BICD2: variants seen among roughly 807,000 people sequenced by gnomAD.
The protein encoded by BICD2 is BICD cargo adaptor 2.
In BICD2, 25 loss-of-function variants were observed where a neutral mutation model predicts 72.9. The observed-to-expected ratio is 0.34, with a 90% CI of 0.25 to 0.48. The LOEUF (loss-of-function observed/expected upper bound fraction) is 0.48, where lower values mean the gene tolerates loss of function less well. Among genes scored for constraint, BICD2 ranks in the 20% least tolerant of loss-of-function variants. The probability of loss-of-function intolerance (pLI) is 0.99; values close to 1 mark genes in which losing one functional copy is unlikely to be tolerated. For synonymous variants in BICD2, 501 were observed against 516.1 expected (o/e 0.97, Z 0.40); for missense variants, 894 against 1,175.2 (o/e 0.76, Z 3.50).
chr9:92,748,183 C>T (rs544120501), intron 1 of BICD2, among the ~76,000 whole-genome samples: 702 of 152,252 alleles, frequency 4.6e-3, no homozygotes, highest in Non-Finnish European at 7.8e-3. Context: ...GAATGGCTCC[C>T]AGGCTTGCCC....
At position 92,713,266 on chromosome 9, in the gene BICD2, A is replaced by G. The variant is rs1853228412; in HGVS notation, c.*1888T>C. On this transcript the variant is annotated 3_prime_UTR_variant, in exon 7 of 7. Transcript: ENST00000356884. ...CGCAGCAGCTCGCAGCATGCTCAAC[A>G]TTAAAGCTTTTTTTCCTCCCATTAA... 1 of 672,158 alleles carries G rather than the reference A, an allele frequency of 1.5e-6. No homozygotes were observed. Among genetic ancestry groups the G allele is most frequent in the Middle Eastern group, 4.1e-4 (1 of 2,418 alleles). 41.6% of individuals were successfully genotyped at this position (672,158 alleles called of 1,614,324 possible).
chr9:92,739,902 T>C (rs961926256), intron 1 of BICD2, among the ~76,000 whole-genome samples: 2 of 152,202 alleles, frequency 1.3e-5, no homozygotes, highest in Admixed American at 1.3e-4. Flanking sequence ...GGTCCTGCCC[T>C]GCATAGCCAG....
rs775974479 is a variant in BICD2, at chr9:92,720,580, A to C, written c.782T>G (p.Leu261Arg). ...REQKNSLRKE[L>R]SHYMSINDSF... ...GTCATTGATGCTCATGTAGTGTGAC[A>C]GCTCCTTGCGCAGGCTGTTCTTCTG... Residue 261 changes from leucine (L) to arginine (R), a missense_variant, in exon 4 of 7, where the codon CTG becomes CGG. Leu to Arg is a moderately radical substitution (Grantham distance 102, BLOSUM62 -2). Around this residue, in one of 5 missense-constraint regions of BICD2, gnomAD observed 371 missense variants for 439.1 expected, o/e 0.84. Coordinates refer to ENST00000356884, the MANE Select transcript of BICD2 (RefSeq NM_001003800.2). This position sits in a 1 kb window ranked among gnomAD's most constrained non-coding sequence, Gnocchi z 5.4. 6.2e-7 allele frequency: 1 copy of C among 1,614,156 alleles called. No homozygotes were observed. The highest frequency in any genetic ancestry group is 8.5e-7 in the Non-Finnish European group (1 of 1,180,030).
At chr9:92,757,576 T>A (rs1854285991) in intron 1 of BICD2, among the ~76,000 whole-genome samples, 1 of 106,876 alleles carries the variant, frequency 9.4e-6, no homozygotes, top group South Asian at 3.5e-4. Context: ...GCGCCTATAG[T>A]CCCAGCTACT....
intron 1 of BICD2, among the ~76,000 whole-genome samples, chr9:92,736,343 C>T (rs1853787760): frequency 6.6e-6 from 1 of 152,184 alleles, no homozygotes; most frequent in South Asian, 2.1e-4. Flanking sequence ...CCCATCAGGA[C>T]CATGACAGTT....
chr9:92,715,202 C>T lies in BICD2; in HGVS notation c.2520G>A (p.Leu840=). 1 of 1,610,276 alleles carries T rather than the reference C, an allele frequency of 6.2e-7. No homozygotes were observed. Among genetic ancestry groups the T allele is most frequent in the Non-Finnish European group, 8.5e-7 (1 of 1,177,762 alleles). ...CASDRAEGTG[L]ANQVFCSEKH... Reference sequence around the variant, plus strand: ...TCTCGCTGCAGAACACCTGGTTGGCCAGCCCGGTGCCCTCGGCCCTGTCGC... The same window carrying T: ...TCTCGCTGCAGAACACCTGGTTGGCTAGCCCGGTGCCCTCGGCCCTGTCGC... The change falls in exon 7 of 7, where the codon CTG becomes CTA. Residue 840 remains leucine (L), a synonymous_variant. Transcript: ENST00000356884.
At chr9:92,755,497 G>A (rs1020422741) in intron 1 of BICD2, among the ~76,000 whole-genome samples, 1 of 152,136 alleles carries the variant, frequency 6.6e-6, no homozygotes, top group African/African-American at 2.4e-5. Context: ...GGCTTGTGGG[G>A]CATCACGGAA....
chr9:92,763,695 T>C lies in BICD2; in HGVS notation c.240+810A>G, dbSNP rs1247493268. 2.8e-5 allele frequency among the ~76,000 whole-genome samples: 4 copies of C among 145,030 alleles called. No homozygotes were observed. In the East Asian group the frequency reaches 1.5e-3, roughly 53 times the overall value. ...TGGAGACCCTCGACCAGCCTGGTGG[T>C]CTAACCTACTCTCCCCCCAGTGGGA... On this transcript the variant is annotated intron_variant, in intron 1 of 6. Transcript: ENST00000356884.
rs575316579 is a variant in BICD2, at chr9:92,736,418, G to GT, written c.241-7183dup. Among the ~76,000 whole-genome samples the GT allele has an allele frequency of 4.3e-3, 660 of 152,344 alleles. 3 individuals carry two copies. The highest frequency in any genetic ancestry group is 7.2e-3 in the Non-Finnish European group (491 of 68,038). ...TGCCACAGCCCGAGGTACCCACTGTGTAATGTCTGGAAGTTACCTACATGG... is the reference window on the plus strand; with the variant it reads ...TGCCACAGCCCGAGGTACCCACTGTGTTAATGTCTGGAAGTTACCTACATGG... On this transcript the variant is annotated intron_variant, in intron 1 of 6. Transcript: ENST00000356884.
At chr9:92,744,568 G>A (rs1853968732) in intron 1 of BICD2, among the ~76,000 whole-genome samples, 1 of 152,240 alleles carries the variant, frequency 6.6e-6, no homozygotes, top group African/African-American at 2.4e-5. Flanking sequence ...TGGGCCAGGC[G>A]TGGTGGCTCA....
At position 92,712,148 on chromosome 9, in the gene BICD2, CAG is replaced by C; in HGVS notation, c.*3004_*3005del. 1 of 152,650 alleles carries C rather than the reference CAG, an allele frequency of 6.6e-6. No homozygotes were observed. The highest frequency in any genetic ancestry group is 1.9e-4 in the East Asian group (1 of 5,204). The allele number at this position is 152,650 out of a possible 1,614,324, so 9.5% of individuals were successfully genotyped here. On this transcript the variant is annotated 3_prime_UTR_variant, in exon 7 of 7. Transcript: ENST00000356884. The stretch of plus-strand genomic sequence containing the variant: ...GCTCTTCACAAACGTGGCGTTCATA[CAG>C]CTTGCTCAGCTTGTCCCAGAAGGTC...
chr9:92,764,807 C>T lies in BICD2; in HGVS notation c.-63G>A. On this transcript the variant is annotated 5_prime_UTR_variant, in exon 1 of 7. Transcript: ENST00000356884. The surrounding 1 kb of genome is among the most constrained non-coding windows in gnomAD (Gnocchi z 5.5). ...CGCAGGCCGGGCCCTCCTCAGCCGC[C>T]GCCGCTGCCGCCGCCGCCGCCGCCC... The T allele has an allele frequency of 8.4e-7, 1 of 1,196,804 alleles. No homozygotes were observed. The highest frequency in any genetic ancestry group is 1.0e-6 in the Non-Finnish European group (1 of 964,422). The allele number at this position is 1,196,804 out of a possible 1,614,324, so 74.1% of individuals were successfully genotyped here. A position where few individuals can be genotyped will look rare whatever the true frequency, so the allele number is the denominator to read the frequency against.
chr9:92,719,662 T>C, intron 4 of BICD2, 80 bp from the exon 5 acceptor site: 1 of 1,421,954 alleles, frequency 7.0e-7, no homozygotes, highest in Non-Finnish European at 9.3e-7. Flanking sequence ...GATGGCCTAG[T>C]GACATCCCAC....
At chr9:92,745,113 G>A (rs1460392242) in intron 1 of BICD2, among the ~76,000 whole-genome samples, 1 of 152,274 alleles carries the variant, frequency 6.6e-6, no homozygotes, top group East Asian at 1.9e-4. Flanking sequence ...ACAGGGTCAG[G>A]TCAGGAAATG....
At chr9:92,721,900 T>C (rs549144304) in intron 3 of BICD2, among the ~76,000 whole-genome samples, 3 of 152,350 alleles carry the variant, frequency 2.0e-5, no homozygotes, top group South Asian at 4.1e-4. Context: ...GAGCTCTGCA[T>C]AAACACATGA....
At chr9:92,755,794 A>G (rs12685257) in intron 1 of BICD2, among the ~76,000 whole-genome samples, 41,836 of 152,154 alleles carry the variant, frequency 0.27, 6,872 homozygotes, top group East Asian at 0.76. Context: ...AGAGCAAAGC[A>G]GATGGGGAGC....
At chr9:92,759,383 TA>T (rs1365799285) in intron 1 of BICD2, among the ~76,000 whole-genome samples, 1 of 152,196 alleles carries the variant, frequency 6.6e-6, no homozygotes, top group African/African-American at 2.4e-5. Flanking sequence ...CTGCTGTTCT[TA>T]AAGTGAATGT....
chr9:92,752,798 T>C (rs1854177259), intron 1 of BICD2, among the ~76,000 whole-genome samples: 1 of 152,154 alleles, frequency 6.6e-6, no homozygotes, highest in African/African-American at 2.4e-5. Flanking sequence ...TCTACATTGA[T>C]ATAATAAACA....
At chr9:92,728,914 T>A in intron 2 of BICD2, 110 bp downstream of exon 2, 1 of 1,197,018 alleles carries the variant, frequency 8.4e-7, no homozygotes. Flanking sequence ...ACCAGCCAGC[T>A]GCAGCGTCCC....
Sources: allele counts gnomAD v4.1 joint callset (sites outside exome capture counted in the v4.1 genomes callset), GRCh38; gene constraint gnomAD v4.1.1; regional missense constraint gnomAD v4.1.1; non-coding constraint Gnocchi (gnomAD v3.1); transcripts MANE v1.5; gene names NCBI Gene and HGNC (gene_info 2026-07-23, HGNC 2026-07-21).